Variants in PTGS1 observed in about 807,000 individuals in gnomAD.
PTGS1 encodes prostaglandin-endoperoxide synthase 1.
Under a neutral mutation model 63.0 loss-of-function variants are expected in PTGS1, and 40 were observed. The ratio of observed to expected loss-of-function variants is 0.63; its 90% CI spans 0.49 to 0.83. The LOEUF is 0.83. PTGS1 is among the 40% of genes least tolerant of loss of function. The probability of loss-of-function intolerance (pLI) is 0.00; values close to 1 mark genes in which losing one functional copy is unlikely to be tolerated. For synonymous variants in PTGS1, 298 were observed against 301.9 expected, an observed-to-expected ratio of 0.99 and a Z score of 0.13; for missense variants, 709 against 786.5, an observed-to-expected ratio of 0.90 and a Z score of 1.18.
chr9:122,383,577 C>T lies in PTGS1; in HGVS notation c.831C>T (p.Gly277=). The T allele has an allele frequency of 1.9e-6, 3 of 1,614,176 alleles. No individual in the cohort carries two copies. The highest frequency in any genetic ancestry group is 2.5e-6 in the Non-Finnish European group (3 of 1,180,018). Residue 277 remains glycine, a synonymous_variant, in exon 8 of 11, where the codon GGC becomes GGT. Transcript: ENST00000362012. ...EAPVLMHYPR[G]IPPQSQMAVG... ...CTGTGTTGATGCACTACCCCCGAGGCATCCCGCCCCAGAGCCAGATGGCTG... is the reference window on the plus strand; with the variant it reads ...CTGTGTTGATGCACTACCCCCGAGGTATCCCGCCCCAGAGCCAGATGGCTG...
rs529783647 is a variant in PTGS1, at chr9:122,389,241, C to A, written c.1297-957C>A. ...TTTTGGCTCACTGTAACCTCTATCT[C>A]CTGGGTTCAAGTGATTCACCTGCCT... On this transcript the variant is annotated intron_variant, in intron 9 of 10. Transcript: ENST00000362012. Among the ~76,000 whole-genome samples the A allele has an allele frequency of 3.3e-5, 5 of 149,692 alleles. No individual in the cohort carries two copies. The East Asian group carries it at 9.9e-4, about 30-fold the overall frequency.
rs751931244 is a variant in PTGS1 at position 122,383,805 on chromosome 9, G to A, written c.1009+50G>A. On this transcript the variant is annotated intron_variant, in intron 8 of 10. Transcript: ENST00000362012. The stretch of plus-strand genomic sequence containing the variant: ...CCTGGAAGGTCATTCCCTCCATCCT[G>A]AGAAGTTGGGGGCGGGGGGGTACTT... 18 of 1,580,516 alleles carry A rather than the reference G, an allele frequency of 1.1e-5. No individual in the cohort carries two copies. In the African/African-American group the frequency reaches 2.3e-4, roughly 20 times the overall value.
In PTGS1 at chr9:122,383,532, G is replaced by A. The variant is rs144210627; in HGVS notation, c.786G>A (p.Pro262=). 2.4e-3 allele frequency: 3,927 copies of A among 1,611,700 alleles called. 18 individuals carry two copies. The highest frequency in any genetic ancestry group is 2.1e-3 in the Non-Finnish European group (2,454 of 1,178,040). Residue 262 remains proline (P), a synonymous_variant, in exon 8 of 11, where the codon CCG becomes CCA. Coordinates refer to ENST00000362012, the MANE Select transcript of PTGS1 (RefSeq NM_000962.4). The part of the protein sequence containing the change: ...KYQVLDGEMY[P]PSVEEAPVLM... ...AGGTGCTGGATGGAGAAATGTACCC[G>A]CCCTCGGTAGAAGAGGCGCCTGTGT...
At chr9:122,380,474 T>TA (rs1564136066) in intron 5 of PTGS1, among the ~76,000 whole-genome samples, 7 of 129,440 alleles carry the variant, frequency 5.4e-5, no homozygotes, top group African/African-American at 2.7e-4. Flanking sequence ...CAAAAATAAA[T>TA]AAATAAATAA....
chr9:122,371,919 C>A, intron 2 of PTGS1: 1 of 1,026,986 alleles, frequency 9.7e-7, no homozygotes, highest in Non-Finnish European at 1.5e-6. Flanking sequence ...ACACACTTCG[C>A]AAGGTCTTTC....
intron 3 of PTGS1, 49 bp downstream of exon 3, chr9:122,378,064 T>C: frequency 2.6e-6 from 4 of 1,532,458 alleles, no homozygotes; most frequent in South Asian, 1.1e-5. Context: ...GCCCTTCTGC[T>C]CCCCGGGCCC....
intron 8 of PTGS1, 66 bp from the exon 9 acceptor site, chr9:122,386,380 C>T: frequency 1.3e-6 from 2 of 1,553,958 alleles, no homozygotes; most frequent in Non-Finnish European, 1.8e-6. Context: ...AACTGGCCTG[C>T]TTTCCAAGCT....
chr9:122,389,947 G>A (rs1002787254), intron 9 of PTGS1, among the ~76,000 whole-genome samples: 3 of 151,846 alleles, frequency 2.0e-5, no homozygotes, highest in Non-Finnish European at 4.4e-5. Context: ...GGGCAACAGA[G>A]TGAGACAGTG....
At chr9:122,370,660 G>T (rs1208100663), upstream of PTGS1, 5 of 319,994 alleles carry the variant, frequency 1.6e-5, no homozygotes, top group Non-Finnish European at 2.9e-5. Context: ...TGTAGAGTGC[G>T]TTAGACCCAT....
chr9:122,379,034 G>C, intron 5 of PTGS1, 116 bp downstream of exon 5: 1 of 1,385,774 alleles, frequency 7.2e-7, no homozygotes. Context: ...GCTAGACCAA[G>C]GCAAGACATA....
intron 9 of PTGS1, among the ~76,000 whole-genome samples, chr9:122,387,298 A>G (rs1436880405): frequency 2.6e-5 from 4 of 152,118 alleles, no homozygotes; most frequent in African/African-American, 9.7e-5. Flanking sequence ...TGGAAGTCAG[A>G]GGACATGGCA....
rs758165104 is a variant in PTGS1, at chr9:122,383,551, C to T, written c.805C>T (p.Pro269Ser). 6.2e-7 allele frequency: 1 copy of T among 1,613,888 alleles called. No homozygotes were observed. Among genetic ancestry groups the T allele is most frequent in the East Asian group, 2.2e-5 (1 of 44,854 alleles). The part of the protein sequence containing the change: ...EMYPPSVEEA[P>S]VLMHYPRGIP... ...GTACCCGCCCTCGGTAGAAGAGGCG[C>T]CTGTGTTGATGCACTACCCCCGAGG... Residue 269 changes from proline (P) to serine (S), a missense_variant, in exon 8 of 11, where the codon CCT (proline) becomes TCT (serine). Transcript: ENST00000362012.
rs1463724919 is a variant in PTGS1 at position 122,378,288 on chromosome 9, C to T, written c.212-145C>T. On this transcript the variant is annotated intron_variant, in intron 3 of 10. Transcript: ENST00000362012. ...GTTCTGTCTCTGTCATGTGTCATTG[C>T]TCCCAAGGTTCCATCCTTACCCACT... The T allele has an allele frequency of 6.8e-6, 8 of 1,173,926 alleles. No homozygotes were observed. The Admixed American group carries it at 7.7e-5, about 11-fold the overall frequency. The allele number at this position is 1,173,926 out of a possible 1,614,324, so 72.7% of individuals were successfully genotyped here. A position where few individuals can be genotyped will look rare whatever the true frequency, so the allele number is the denominator to read the frequency against.
chr9:122,394,707 A>T lies in PTGS1; in HGVS notation c.*2163A>T, dbSNP rs1025714066. ...GGCAATCAGACACCCTCTCCTTAAAAACTGGCCCGTGGAGACTGAGATCAC... is the reference window on the plus strand; with the variant it reads ...GGCAATCAGACACCCTCTCCTTAAATACTGGCCCGTGGAGACTGAGATCAC... On this transcript the variant is annotated 3_prime_UTR_variant, in exon 11 of 11. Transcript: ENST00000362012. The T allele has an allele frequency of 3.3e-5, 5 of 151,914 alleles. No individual in the cohort carries two copies. Among genetic ancestry groups the T allele is most frequent in the African/African-American group, 1.2e-4 (5 of 41,340 alleles). 9.4% of individuals were successfully genotyped at this position (151,914 alleles called of 1,614,324 possible).
chr9:122,390,460 C>T lies in PTGS1; in HGVS notation c.1444+115C>T. The T allele has an allele frequency of 2.4e-6, 3 of 1,232,956 alleles. No homozygotes were observed. In the South Asian group the frequency reaches 4.6e-5, roughly 19 times the overall value. 76.4% of individuals were successfully genotyped at this position (1,232,956 alleles called of 1,614,324 possible). The stretch of plus-strand genomic sequence containing the variant: ...CATGCGGCAATGTGTAACAACCAGA[C>T]TTATAATGGGCGTGGAAGTGCTGTG... On this transcript the variant is annotated intron_variant, in intron 10 of 10. Transcript: ENST00000362012.
At position 122,383,832 on chromosome 9, in the gene PTGS1, G is replaced by A. The variant is rs10306153; in HGVS notation, c.1009+77G>A. On this transcript the variant is annotated intron_variant, in intron 8 of 10. Coordinates refer to ENST00000362012, the MANE Select transcript of PTGS1 (RefSeq NM_000962.4). ...GAAGTTGGGGGCGGGGGGGTACTTA[G>A]AGGTGGAGGCTGGGATTAGAATCCT... The A allele has an allele frequency of 0.014, 22,089 of 1,554,316 alleles. 2,341 individuals are homozygous for A. The African/African-American group carries it at 0.25, about 18-fold the overall frequency.
At chr9:122,388,482 G>T (rs1043109744) in intron 9 of PTGS1, among the ~76,000 whole-genome samples, 2 of 152,188 alleles carry the variant, frequency 1.3e-5, no homozygotes, top group African/African-American at 4.8e-5. Flanking sequence ...AGCCATATCA[G>T]GTAGATGCTC....
At position 122,389,807 on chromosome 9, in the gene PTGS1, C is replaced by T. The variant is rs535612875; in HGVS notation, c.1297-391C>T. 3.9e-5 allele frequency among the ~76,000 whole-genome samples: 6 copies of T among 151,982 alleles called. No individual in the cohort carries two copies. The South Asian group carries it at 1.2e-3, about 32-fold the overall frequency. ...TCACCTCTACAAAAATAAAATAAAA[C>T]AAAATTAGCCAGGCATGGTGGCACG... On this transcript the variant is annotated intron_variant, in intron 9 of 10. Coordinates refer to ENST00000362012, the MANE Select transcript of PTGS1 (RefSeq NM_000962.4).
chr9:122,383,847 AT>A, intron 8 of PTGS1, 92 bp downstream of exon 8: 1 of 1,519,914 alleles, frequency 6.6e-7, no homozygotes, highest in Non-Finnish European at 8.9e-7. Context: ...GGAGGCTGGG[AT>A]TAGAATCCTC....
Sources: allele counts gnomAD v4.1 joint callset (sites outside exome capture counted in the v4.1 genomes callset), GRCh38; gene constraint gnomAD v4.1.1; transcripts MANE v1.5; gene names NCBI Gene and HGNC (gene_info 2026-07-23, HGNC 2026-07-21).